Variants in ANKRD66 observed in about 807,000 individuals in gnomAD.
ANKRD66 encodes ankyrin repeat domain 66.
Under a neutral mutation model 10.9 loss-of-function variants are expected in ANKRD66, and 10 were observed. That is an observed-to-expected ratio of 0.91 (90% CI 0.56 to 1.55). ANKRD66 has a LOEUF of 1.55. Ranked by LOEUF, ANKRD66 falls within the 40% of genes most tolerant of loss-of-function variation. The pLI is 0.00. For missense variants in ANKRD66, 252 were observed against 242.9 expected (o/e 1.04, Z -0.25); for synonymous variants, 85 against 88.4 (o/e 0.96, Z 0.22).
intron 4 of ANKRD66, among the ~76,000 whole-genome samples, chr6:46,755,862 T>A (rs1766372515): frequency 6.6e-6 from 1 of 152,222 alleles, no homozygotes; most frequent in Admixed American, 6.5e-5. Context: ...TTTATAGTAA[T>A]AACTTGTGTA....
chr6:46,749,506 A>G (rs1448181649), intron 1 of ANKRD66, among the ~76,000 whole-genome samples: 2 of 143,794 alleles, frequency 1.4e-5, no homozygotes, highest in African/African-American at 2.6e-5. Flanking sequence ...TCTTTCCTAC[A>G]TATATGTAAT....
In ANKRD66 at chr6:46,753,712, T is replaced by C; in HGVS notation, c.164-10T>C. 6.5e-7 allele frequency: 1 copy of C among 1,534,932 alleles called. No homozygotes were observed. Among genetic ancestry groups the C allele is most frequent in the South Asian group, 1.2e-5 (1 of 81,956 alleles). Reference sequence around the variant, plus strand: ...CTAACCTCATCCTGTTTCTTTTTGGTACATCTAAGGGCAAATGGAGGTGAT... The same window carrying C: ...CTAACCTCATCCTGTTTCTTTTTGGCACATCTAAGGGCAAATGGAGGTGAT... On this transcript the variant is annotated splice_polypyrimidine_tract_variant and intron_variant, in intron 3 of 4. Coordinates refer to ENST00000565422, the MANE Select transcript of ANKRD66 (RefSeq NM_001162435.3).
At chr6:46,747,313 A>G (rs1194640487) in intron 1 of ANKRD66, among the ~76,000 whole-genome samples, 2 of 152,366 alleles carry the variant, frequency 1.3e-5, no homozygotes, top group East Asian at 3.9e-4. Flanking sequence ...TTAAAATACA[A>G]TTCACATACC....
At chr6:46,758,296 T>C (rs1766419538) in intron 4 of ANKRD66, 1 of 156,332 alleles carries the variant, frequency 6.4e-6, no homozygotes, top group Non-Finnish European at 1.4e-5. Context: ...ATAATACATA[T>C]GTGATTGTGA....
At chr6:46,749,428 G>A (rs1766214685) in intron 1 of ANKRD66, among the ~76,000 whole-genome samples, 1 of 152,030 alleles carries the variant, frequency 6.6e-6, no homozygotes, top group Non-Finnish European at 1.5e-5. Flanking sequence ...TCCACCTGAG[G>A]GCTCCAGGGT....
chr6:46,748,592 G>C (rs1315631818), intron 1 of ANKRD66, among the ~76,000 whole-genome samples: 1 of 152,194 alleles, frequency 6.6e-6, no homozygotes, highest in Non-Finnish European at 1.5e-5. Flanking sequence ...AATGCAGTCT[G>C]TGCCATCTTC....
chr6:46,747,675 A>G (rs1015410043), intron 1 of ANKRD66, among the ~76,000 whole-genome samples: 1 of 152,208 alleles, frequency 6.6e-6, no homozygotes, highest in Non-Finnish European at 1.5e-5. Flanking sequence ...TGGATATTCC[A>G]CATTTTGTGT....
chr6:46,759,192 A>C lies in ANKRD66; in HGVS notation c.*271A>C. 7.3e-6 allele frequency: 2 copies of C among 275,752 alleles called. No homozygotes were observed. Among genetic ancestry groups the C allele is most frequent in the Non-Finnish European group, 1.3e-5 (2 of 148,906 alleles). The allele number at this position is 275,752 out of a possible 1,614,324, so 17.1% of individuals were successfully genotyped here. A position where few individuals can be genotyped will look rare whatever the true frequency, so the allele number is the denominator to read the frequency against. On this transcript the variant is annotated 3_prime_UTR_variant, in exon 5 of 5. Transcript: ENST00000565422. Reference sequence around the variant, plus strand: ...ATCTTTTGACCCCTGCCCCCCAACAATAATAGAATTTCAGGAGACAAGGAA... The same window carrying C: ...ATCTTTTGACCCCTGCCCCCCAACACTAATAGAATTTCAGGAGACAAGGAA...
In ANKRD66 at chr6:46,753,846, C is replaced by G; in HGVS notation, c.288C>G (p.Leu96=). ...GCCATCTGAATATACTCAAAACTCT[C>G]CATGCATTGCACGCTGCCATCGACG... ...EAGHLNILKT[L]HALHAAIDAP... Residue 96 remains leucine (L), a synonymous_variant, in exon 4 of 5, where the codon CTC becomes CTG. Transcript: ENST00000565422. 1.3e-6 allele frequency: 2 copies of G among 1,551,720 alleles called. No homozygotes were observed. The highest frequency in any genetic ancestry group is 1.7e-6 in the Non-Finnish European group (2 of 1,147,000).
chr6:46,758,755 CT>C lies in ANKRD66; in HGVS notation c.426del (p.Ala143ProfsTer29). 1 of 1,550,620 alleles carries C rather than the reference CT, an allele frequency of 6.4e-7. No homozygotes were observed. Among genetic ancestry groups the C allele is most frequent in the Non-Finnish European group, 8.7e-7 (1 of 1,146,730 alleles). ...CCCGAGTGCCAGGACCACCGTTGCG[CT>C]GCCCAGCAGAAGGGGCTGCCTCTGG... ...AEPECQDHRC[A>X]AQQKGLPLDE... On this transcript the variant is annotated frameshift_variant, in exon 5 of 5. Transcript: ENST00000565422. LOFTEE classifies it low-confidence loss of function (END_TRUNC).
At chr6:46,752,265 C>T (rs539128369) in intron 3 of ANKRD66, among the ~76,000 whole-genome samples, 154 bp downstream of exon 3, 8 of 152,218 alleles carry the variant, frequency 5.3e-5, no homozygotes, top group African/African-American at 1.4e-4. Context: ...GACAGAGTCT[C>T]GCTCTGTCAT....
Position 46,758,756 on chromosome 6 carries a change from T to G in ANKRD66, c.426T>G (p.Ala142=), listed in dbSNP as rs1235992095. ...CCGAGTGCCAGGACCACCGTTGCGC[T>G]GCCCAGCAGAAGGGGCTGCCTCTGG... is the stretch of plus-strand genomic sequence containing the variant. ...AEPECQDHRC[A]AQQKGLPLDE... The change falls in exon 5 of 5, where the codon GCT becomes GCG. Residue 142 remains alanine (A), a synonymous_variant. Coordinates refer to ENST00000565422, the MANE Select transcript of ANKRD66 (RefSeq NM_001162435.3). 3.2e-6 allele frequency: 5 copies of G among 1,550,706 alleles called. No individual in the cohort carries two copies. Among genetic ancestry groups the G allele is most frequent in the Non-Finnish European group, 4.4e-6 (5 of 1,146,752 alleles).
chr6:46,750,747 A>G (rs968365665), intron 2 of ANKRD66, among the ~76,000 whole-genome samples: 8 of 150,182 alleles, frequency 5.3e-5, no homozygotes, highest in African/African-American at 1.7e-4. Flanking sequence ...ATAAAGTTGG[A>G]AAAGGGAGGA....
Position 46,758,830 on chromosome 6 carries a change from C to T in ANKRD66, c.500C>T (p.Ser167Phe). 3.2e-6 allele frequency: 5 copies of T among 1,551,554 alleles called. No homozygotes were observed. Among genetic ancestry groups the T allele is most frequent in the East Asian group, 2.4e-5 (1 of 40,910 alleles). ...WDAKKRELEL[S>F]LPSLNQNMNK... Reference sequence around the variant, plus strand: ...GCCAAGAAAAGGGAGCTGGAGCTGTCTCTTCCTTCCCTAAATCAAAACATG... The same window carrying T: ...GCCAAGAAAAGGGAGCTGGAGCTGTTTCTTCCTTCCCTAAATCAAAACATG... Residue 167 changes from serine (S) to phenylalanine (F), a missense_variant, in exon 5 of 5, where the codon TCT becomes TTT. Coordinates refer to ENST00000565422, the MANE Select transcript of ANKRD66 (RefSeq NM_001162435.3).
intron 4 of ANKRD66, among the ~76,000 whole-genome samples, chr6:46,755,123 C>T (rs1766357586): frequency 1.3e-5 from 2 of 152,176 alleles, no homozygotes; most frequent in South Asian, 2.1e-4. Context: ...CACTAAATTT[C>T]CTCTACCATA....
At chr6:46,755,125 T>C (rs989525354) in intron 4 of ANKRD66, among the ~76,000 whole-genome samples, 4 of 152,182 alleles carry the variant, frequency 2.6e-5, no homozygotes, top group African/African-American at 7.2e-5. Flanking sequence ...CTAAATTTCC[T>C]CTACCATATG....
chr6:46,749,173 C>T (rs1766209035), intron 1 of ANKRD66, among the ~76,000 whole-genome samples: 1 of 152,210 alleles, frequency 6.6e-6, no homozygotes, highest in East Asian at 1.9e-4. Flanking sequence ...CCAGGCCCTG[C>T]TGGTCACCAC....
intron 1 of ANKRD66, 148 bp downstream of exon 1, chr6:46,747,138 T>C: frequency 1.4e-6 from 1 of 739,588 alleles, no homozygotes; most frequent in East Asian, 2.9e-5. Context: ...GGAAATCAAG[T>C]GCATTTAATC....
At position 46,758,925 on chromosome 6, in the gene ANKRD66, C is replaced by G; in HGVS notation, c.*4C>G. ...TACCAAGGGGAGGAGAGTATGAGAA[C>G]TCAACCTTATGTTTTCTGGCAAGGA... On this transcript the variant is annotated 3_prime_UTR_variant, in exon 5 of 5. Coordinates refer to ENST00000565422, the MANE Select transcript of ANKRD66 (RefSeq NM_001162435.3). 6.5e-7 allele frequency: 1 copy of G among 1,540,280 alleles called. No homozygotes were observed. Among genetic ancestry groups the G allele is most frequent in the Non-Finnish European group, 8.8e-7 (1 of 1,142,402 alleles).
Sources: gnomAD v4.1 joint callset for allele counts (sites outside exome capture counted in the v4.1 genomes callset) on GRCh38, gnomAD v4.1.1 for gene constraint, MANE v1.5 for transcripts, NCBI Gene and HGNC (gene_info 2026-07-23, HGNC 2026-07-21) for gene names.